Variants in CNTNAP5 observed in about 807,000 individuals in gnomAD.
CNTNAP5 encodes contactin associated protein family member 5.
Under a neutral mutation model 150.2 loss-of-function variants are expected in CNTNAP5, and 72 were observed. That is an observed-to-expected ratio of 0.48 (90% confidence interval 0.40 to 0.58). The LOEUF is 0.58. Ranked by LOEUF, CNTNAP5 falls within the 20% of genes least tolerant of loss-of-function variation. CNTNAP5 has a pLI of 0.00. For synonymous variants in CNTNAP5, 672 were observed against 619.8 expected, an observed-to-expected ratio of 1.08 and a Z score of -1.25; for missense variants, 1,636 against 1,626.2, an observed-to-expected ratio of 1.01 and a Z score of -0.10.
chr2:124,148,671 TTA>T (rs1313608389), intron 1 of CNTNAP5, among the ~76,000 whole-genome samples: 1 of 150,342 alleles, frequency 6.7e-6, no homozygotes, highest in Non-Finnish European at 1.5e-5. Flanking sequence ...CTAATGCATA[TTA>T]TATGAGATAT....
At chr2:124,129,208 C>G (rs909984883) in intron 1 of CNTNAP5, among the ~76,000 whole-genome samples, 1 of 151,884 alleles carries the variant, frequency 6.6e-6, no homozygotes, top group Admixed American at 6.5e-5. Flanking sequence ...GTATTTAATT[C>G]ATAATAAAAA....
At chr2:124,761,972 C>G (rs546867504) in intron 14 of CNTNAP5, among the ~76,000 whole-genome samples, 78 of 152,100 alleles carry the variant, frequency 5.1e-4, no homozygotes, top group Non-Finnish European at 1.1e-3. Flanking sequence ...ACCATTTTCA[C>G]CTTGAAAATG....
At chr2:124,647,534 G>T (rs1678228437) in intron 12 of CNTNAP5, among the ~76,000 whole-genome samples, 1 of 152,206 alleles carries the variant, frequency 6.6e-6, no homozygotes, top group Non-Finnish European at 1.5e-5. Flanking sequence ...TTACTGTAGA[G>T]CCTGTGGGAA....
chr2:124,434,800 A>C, intron 5 of CNTNAP5, 113 bp downstream of exon 5: 3 of 846,318 alleles, frequency 3.5e-6, no homozygotes, highest in Non-Finnish European at 3.7e-6. Flanking sequence ...AGCACAATAT[A>C]AGTGATATTG....
intron 19 of CNTNAP5, among the ~76,000 whole-genome samples, chr2:124,814,266 A>C (rs1682302848): frequency 6.9e-6 from 1 of 144,042 alleles, no homozygotes; most frequent in African/African-American, 2.6e-5. Flanking sequence ...TCCTGCCTCC[A>C]TTCCCTCCTT....
At chr2:124,042,770 C>T (rs1461353623) in intron 1 of CNTNAP5, among the ~76,000 whole-genome samples, 1 of 148,908 alleles carries the variant, frequency 6.7e-6, no homozygotes, top group African/African-American at 2.5e-5. Flanking sequence ...CTTGCATAAG[C>T]GTAACTCTCT....
chr2:124,298,198 G>A (rs550890100), intron 3 of CNTNAP5, among the ~76,000 whole-genome samples: 4 of 151,982 alleles, frequency 2.6e-5, no homozygotes, highest in Non-Finnish European at 4.4e-5. Context: ...GTAAATGCTT[G>A]TTTGTTACAT....
intron 3 of CNTNAP5, among the ~76,000 whole-genome samples, chr2:124,327,844 C>CAG (rs1363129655): frequency 6.6e-6 from 1 of 152,280 alleles, no homozygotes; most frequent in East Asian, 1.9e-4. Context: ...CACTTGGGCC[C>CAG]ATGTCTTCAG....
chr2:124,153,163 T>G (rs1418259975), intron 1 of CNTNAP5, among the ~76,000 whole-genome samples: 1 of 152,066 alleles, frequency 6.6e-6, no homozygotes, highest in Non-Finnish European at 1.5e-5. Flanking sequence ...TTTCTGAAGA[T>G]AGGAGAAAGG....
chr2:124,221,752 T>A lies in CNTNAP5; in HGVS notation c.130T>A (p.Ser44Thr). The change falls in exon 2 of 24, where the codon TCC becomes ACC. Residue 44 changes from serine to threonine, a missense_variant. Ser to Thr is a moderately conservative substitution (Grantham distance 58). Transcript: ENST00000682447. Reference protein sequence around the residue: ...LASLLSPMAFSSSSDLTGTHS... With the variant: ...LASLLSPMAFTSSSDLTGTHS... Reference sequence around the variant, plus strand: ...ATCCCTGCTCTCTCCAATGGCTTTTTCCAGTTCCTCAGACCTCACTGGCAC... The same window carrying A: ...ATCCCTGCTCTCTCCAATGGCTTTTACCAGTTCCTCAGACCTCACTGGCAC... 1.2e-6 allele frequency: 2 copies of A among 1,611,992 alleles called. No individual in the cohort carries two copies. Among genetic ancestry groups the A allele is most frequent in the African/African-American group, 2.7e-5 (2 of 74,964 alleles).
intron 1 of CNTNAP5, among the ~76,000 whole-genome samples, chr2:124,086,790 C>T (rs1682703382): frequency 6.6e-6 from 1 of 151,284 alleles, no homozygotes; most frequent in Non-Finnish European, 1.5e-5. Flanking sequence ...AAGTGGTAAC[C>T]TTAGGCCATT....
At chr2:124,193,586 C>T (rs1036694482) in intron 1 of CNTNAP5, among the ~76,000 whole-genome samples, 2 of 152,164 alleles carry the variant, frequency 1.3e-5, no homozygotes, top group Admixed American at 6.5e-5. Context: ...TCTAGGTTGG[C>T]ATTCCTGATT....
chr2:124,792,679 T>C lies in CNTNAP5; in HGVS notation c.2992+2538T>C, dbSNP rs114223168. 2.3e-3 allele frequency among the ~76,000 whole-genome samples: 351 copies of C among 152,312 alleles called. 4 individuals are homozygous for C. Among genetic ancestry groups the C allele is most frequent in the African/African-American group, 7.5e-3 (312 of 41,570 alleles). Reference sequence around the variant, plus strand: ...AAATTCCATGTCATTAGCAGCCACTTCCCAGTTACCTCTTCCCGTGTCCCT... The same window carrying C: ...AAATTCCATGTCATTAGCAGCCACTCCCCAGTTACCTCTTCCCGTGTCCCT... On this transcript the variant is annotated intron_variant, in intron 18 of 23. Transcript: ENST00000682447.
intron 12 of CNTNAP5, among the ~76,000 whole-genome samples, chr2:124,644,989 C>A (rs139097317): frequency 2.1e-3 from 325 of 152,228 alleles, no homozygotes; most frequent in African/African-American, 7.4e-3. Flanking sequence ...TGGAATAAAC[C>A]AGTAGCACAA....
At chr2:124,858,178 C>T (rs1044195754) in intron 19 of CNTNAP5, among the ~76,000 whole-genome samples, 1 of 152,116 alleles carries the variant, frequency 6.6e-6, no homozygotes, top group East Asian at 1.9e-4. Context: ...CACTCCTATT[C>T]AACACAGTGT....
At chr2:124,428,581 G>A (rs551632513) in intron 4 of CNTNAP5, among the ~76,000 whole-genome samples, 52 of 152,290 alleles carry the variant, frequency 3.4e-4, no homozygotes, top group Non-Finnish European at 6.6e-4. Flanking sequence ...GTGAAGAAGA[G>A]CAGGGAACCC....
chr2:124,235,989 G>A (rs1686737051), intron 2 of CNTNAP5, among the ~76,000 whole-genome samples: 1 of 150,770 alleles, frequency 6.6e-6, no homozygotes, highest in Admixed American at 6.6e-5. Context: ...ATTTAGTGAT[G>A]AAGTCCCACT....
rs61536924 is a variant in CNTNAP5 at position 124,264,771 on chromosome 2, C to T, written c.381+22378C>T. On this transcript the variant is annotated intron_variant, in intron 3 of 23. Transcript: ENST00000682447. ...GCCAGAGGCAGAACAGACAGACAGC[C>T]GACAGCAGCTCTGGTCATTCCTGAT... 7.8e-3 allele frequency among the ~76,000 whole-genome samples: 1,192 copies of T among 152,230 alleles called. 11 individuals carry two copies. The highest frequency in any genetic ancestry group is 0.027 in the African/African-American group (1,128 of 41,546).
intron 11 of CNTNAP5, among the ~76,000 whole-genome samples, chr2:124,564,718 A>C (rs992189641): frequency 9.9e-5 from 15 of 152,178 alleles, no homozygotes; most frequent in South Asian, 2.1e-4. Context: ...CACATGAAAA[A>C]GTATAGAAAG....
Sources: gnomAD v4.1 joint callset for allele counts (sites outside exome capture counted in the v4.1 genomes callset) on GRCh38, gnomAD v4.1.1 for gene constraint, MANE v1.5 for transcripts, NCBI Gene and HGNC (gene_info 2026-07-23, HGNC 2026-07-21) for gene names.